The following STPG2 variants were observed in gnomAD, a reference collection of about 807,000 sequenced individuals.
STPG2 encodes sperm tail PG-rich repeat containing 2.
In STPG2, 56 loss-of-function variants were observed where a neutral mutation model predicts 54.2. The ratio of observed to expected loss-of-function variants is 1.03; its 90% CI spans 0.83 to 1.29. The LOEUF is 1.29. Among genes scored for constraint, STPG2 ranks in the 50% most tolerant of loss-of-function variants. STPG2 has a pLI of 0.00. For synonymous variants in STPG2, 200 were observed against 181.8 expected (o/e 1.10, Z -0.81); for missense variants, 596 against 544.9 (o/e 1.09, Z -0.93).
chr4:97,895,062 G>C lies in STPG2; in HGVS notation c.1044+48835C>G, dbSNP rs146188157. ...CATAAGAATACTGTGTTTATTTCAA[G>C]AATCACAATAATTGTGGGCTCAAGG... On this transcript the variant is annotated intron_variant, in intron 8 of 10. Coordinates refer to ENST00000295268, the MANE Select transcript of STPG2 (RefSeq NM_174952.3). Among the ~76,000 whole-genome samples, 790 of 151,836 alleles carry C rather than the reference G, an allele frequency of 5.2e-3. 10 individuals carry two copies. Among genetic ancestry groups the C allele is most frequent in the Middle Eastern group, 0.021 (6 of 292 alleles).
chr4:98,070,260 C>A lies in STPG2; in HGVS notation c.612+35693G>T, dbSNP rs146827536. On this transcript the variant is annotated intron_variant, in intron 5 of 10. Coordinates refer to ENST00000295268, the MANE Select transcript of STPG2 (RefSeq NM_174952.3). ...TTTATCACACAAACAGAATTAAAGG[C>A]AAAAACCACATGATTATCTCAACAG... Among the ~76,000 whole-genome samples the A allele has an allele frequency of 5.2e-3, 797 of 152,062 alleles. 15 individuals carry two copies. Among genetic ancestry groups the A allele is most frequent in the African/African-American group, 0.018 (764 of 41,444 alleles).
chr4:97,844,962 T>C (rs1728905904), intron 8 of STPG2, among the ~76,000 whole-genome samples: 1 of 152,028 alleles, frequency 6.6e-6, no homozygotes, highest in Non-Finnish European at 1.5e-5. Context: ...GTCAAGTTAG[T>C]AAATTTTTTA....
chr4:97,568,831 G>A (rs1732522050), intron 10 of STPG2, among the ~76,000 whole-genome samples: 1 of 151,914 alleles, frequency 6.6e-6, no homozygotes, highest in African/African-American at 2.4e-5. Flanking sequence ...GTTGTTTGAA[G>A]GGGTTAGCCC....
chr4:97,705,794 G>A (rs888911794), intron 10 of STPG2, among the ~76,000 whole-genome samples: 6 of 151,714 alleles, frequency 4.0e-5, no homozygotes, highest in Non-Finnish European at 7.4e-5. Context: ...GTTGAGAATA[G>A]AGATTTTTCA....
intron 10 of STPG2, among the ~76,000 whole-genome samples, chr4:97,571,149 C>T (rs958455177): frequency 2.0e-5 from 3 of 151,040 alleles, no homozygotes; most frequent in Non-Finnish European, 2.9e-5. Flanking sequence ...TTTTTATTTC[C>T]CCAAATATAA....
rs556509145 is a variant in STPG2, at chr4:97,907,268, T to C, written c.1044+36629A>G. On this transcript the variant is annotated intron_variant, in intron 8 of 10. Coordinates refer to ENST00000295268, the MANE Select transcript of STPG2 (RefSeq NM_174952.3). ...ATCATGAGTGAACTCCCATTCACAATTGCTTCCAAGAGAATAAAATACCTA... is the reference window on the plus strand; with the variant it reads ...ATCATGAGTGAACTCCCATTCACAACTGCTTCCAAGAGAATAAAATACCTA... Among the ~76,000 whole-genome samples, 481 of 151,416 alleles carry C rather than the reference T, an allele frequency of 3.2e-3. 4 individuals carry two copies. Among genetic ancestry groups the C allele is most frequent in the African/African-American group, 0.011 (467 of 41,434 alleles).
chr4:98,073,122 T>A (rs1383092806), intron 5 of STPG2, among the ~76,000 whole-genome samples: 1 of 152,216 alleles, frequency 6.6e-6, no homozygotes, highest in Non-Finnish European at 1.5e-5. Context: ...TATTTGCAGA[T>A]GTCTTGCTAT....
chr4:97,598,950 TCTGCCAGCA>T (rs1376594154), intron 10 of STPG2, among the ~76,000 whole-genome samples: 53 of 152,114 alleles, frequency 3.5e-4, no homozygotes, highest in Non-Finnish European at 6.8e-4. Context: ...CTAAAGAGCT[TCTGCCAGCA>T]AAAGATTTCA....
At chr4:97,676,337 C>T (rs567706244) in intron 10 of STPG2, among the ~76,000 whole-genome samples, 94 of 151,844 alleles carry the variant, frequency 6.2e-4, no homozygotes, top group Non-Finnish European at 2.6e-4. Context: ...TGGACTATAT[C>T]ATGGTGTTTT....
At chr4:98,117,925 C>T (rs1739569092) in intron 3 of STPG2, among the ~76,000 whole-genome samples, 1 of 152,010 alleles carries the variant, frequency 6.6e-6, no homozygotes, top group African/African-American at 2.4e-5. Context: ...AGTCTAATGC[C>T]TTGGCTTCCT....
intron 9 of STPG2, among the ~76,000 whole-genome samples, chr4:97,714,760 C>G (rs1993409): frequency 1.3e-5 from 2 of 151,732 alleles, no homozygotes; most frequent in Admixed American, 6.6e-5. Flanking sequence ...CAAACTATCA[C>G]CAGAAGCTGG....
At chr4:97,827,237 T>C (rs985817590) in intron 9 of STPG2, among the ~76,000 whole-genome samples, 1 of 48,912 alleles carries the variant, frequency 2.0e-5, no homozygotes, top group Non-Finnish European at 4.5e-5. Context: ...TATAGACAGC[T>C]TTTTTTTTTT....
At chr4:97,585,115 A>AC (rs1732961800) in intron 10 of STPG2, among the ~76,000 whole-genome samples, 1 of 148,434 alleles carries the variant, frequency 6.7e-6, no homozygotes, top group South Asian at 2.1e-4. Flanking sequence ...AAAAAAAAAA[A>AC]AAAAAAAAAC....
rs148263422 is a variant in STPG2, at chr4:97,535,758, G to A, written c.462+176941C>T. ...GCTTCAGATTTGTTGACCTTCTTGG[G>A]TCTATGCACTTATATTTCATGAAAA... On this transcript the variant is annotated intron_variant, in intron 4 of 4. Transcript: ENST00000522676. Among the ~76,000 whole-genome samples the A allele has an allele frequency of 4.2e-3, 632 of 151,946 alleles. 3 individuals are homozygous for A. Among genetic ancestry groups the A allele is most frequent in the South Asian group, 0.02 (98 of 4,808 alleles).
At chr4:97,615,450 T>C (rs1298895102) in intron 10 of STPG2, among the ~76,000 whole-genome samples, 1 of 152,080 alleles carries the variant, frequency 6.6e-6, no homozygotes, top group African/African-American at 2.4e-5. Flanking sequence ...GTTTTAATGA[T>C]AGTAATTTTA....
chr4:97,492,890 C>T (rs1477920586), intron 4 of STPG2, among the ~76,000 whole-genome samples: 1 of 149,890 alleles, frequency 6.7e-6, no homozygotes, highest in Non-Finnish European at 1.5e-5. Flanking sequence ...CATTCCTAAT[C>T]TTCTCCTGAA....
intron 10 of STPG2, among the ~76,000 whole-genome samples, chr4:97,654,460 C>T (rs187591786): frequency 9.2e-5 from 14 of 151,876 alleles, no homozygotes; most frequent in Admixed American, 6.6e-4. Context: ...TGCATCAATC[C>T]GACAATTCCA....
rs556137019 is a variant in STPG2, at chr4:98,017,554, C to G, written c.613-36236G>C. On this transcript the variant is annotated intron_variant, in intron 5 of 10. Coordinates refer to ENST00000295268, the MANE Select transcript of STPG2 (RefSeq NM_174952.3). ...ATGCCAGTAATGTGAAACTGTCCTT[C>G]CTACCCTCTTTAATGCATCTTTTCT... Among the ~76,000 whole-genome samples, 3 of 152,308 alleles carry G rather than the reference C, an allele frequency of 2.0e-5. No homozygotes were observed. The South Asian group carries it at 6.2e-4, about 32-fold the overall frequency.
chr4:97,733,235 A>T lies in STPG2; in HGVS notation c.1205-20421T>A, dbSNP rs192010760. Among the ~76,000 whole-genome samples, 21 of 152,308 alleles carry T rather than the reference A, an allele frequency of 1.4e-4. 1 individual carries two copies. The East Asian group carries it at 3.1e-3, about 22-fold the overall frequency. On this transcript the variant is annotated intron_variant, in intron 9 of 10. Coordinates refer to ENST00000295268, the MANE Select transcript of STPG2 (RefSeq NM_174952.3). ...CAGCTAAAGAAAACGTGGTGTATAT[A>T]CACCACGGAAAACTATTCAGCCACT...
Sources: gnomAD v4.1 joint callset for allele counts (sites outside exome capture counted in the v4.1 genomes callset) on GRCh38, gnomAD v4.1.1 for gene constraint, MANE v1.5 for transcripts, NCBI Gene and HGNC (gene_info 2026-07-23, HGNC 2026-07-21) for gene names.